SLC47A2: variants seen among roughly 807,000 people sequenced by gnomAD.
SLC47A2 encodes solute carrier family 47 member 2, also known as multidrug and toxin extrusion protein 2.
A neutral mutation model predicts 67.7 loss-of-function variants in SLC47A2; 52 were observed. That is an observed-to-expected ratio of 0.77 (90% confidence interval 0.61 to 0.97). The LOEUF (loss-of-function observed/expected upper bound fraction) is 0.97. SLC47A2 is among the 50% of genes least tolerant of loss of function. The pLI, the probability that SLC47A2 is intolerant of heterozygous loss-of-function variation, is 0.00. For missense variants in SLC47A2, 676 were observed against 712.3 expected, an observed-to-expected ratio of 0.95 and a Z score of 0.58; for synonymous variants, 278 against 292.9, an observed-to-expected ratio of 0.95 and a Z score of 0.52.
chr17:19,705,079 C>T (rs1440861479), intron 10 of SLC47A2: 2 of 347,840 alleles, frequency 5.7e-6, no homozygotes, highest in East Asian at 1.2e-4. Context: ...CCCTCAGCCT[C>T]CCAAAGTACT....
At chr17:19,684,831 C>G (rs1293825022) in intron 13 of SLC47A2, among the ~76,000 whole-genome samples, 2 of 152,296 alleles carry the variant, frequency 1.3e-5, no homozygotes, top group African/African-American at 4.8e-5. Context: ...CTCCCTCTCC[C>G]TCCCGCTCTT....
intron 13 of SLC47A2, among the ~76,000 whole-genome samples, chr17:19,693,583 G>A (rs1457947990): frequency 6.6e-6 from 1 of 150,932 alleles, no homozygotes; most frequent in Non-Finnish European, 1.5e-5. Flanking sequence ...GACCACCCTG[G>A]CCAATGGTGA....
At chr17:19,679,122 G>A (rs868806490) in intron 16 of SLC47A2, among the ~76,000 whole-genome samples, 14 of 152,216 alleles carry the variant, frequency 9.2e-5, no homozygotes, top group African/African-American at 1.9e-4. Context: ...TGAATTTCAC[G>A]TGCAGATAAT....
In SLC47A2 at chr17:19,716,523, G is replaced by A. The variant is rs1311055496; in HGVS notation, c.33C>T (p.Asp11=). The change falls in exon 1 of 17, where the codon GAC becomes GAT. Residue 11 remains aspartate (D), a synonymous_variant. Transcript: ENST00000433844. MDSLQDTVAL[D]HGGCCPALSR... ...TGAGGGCAGGGCAGCAGCCCCCATG[G>A]TCCAGGGCCACTGTGTCCTGGAGGC... is the stretch of plus-strand genomic sequence containing the variant. 6.2e-7 allele frequency: 1 copy of A among 1,611,496 alleles called. No homozygotes were observed. The highest frequency in any genetic ancestry group is 1.7e-5 in the Admixed American group (1 of 59,784).
chr17:19,712,563 G>A (rs1015012322), intron 5 of SLC47A2, 140 bp downstream of exon 5: 147 of 779,070 alleles, frequency 1.9e-4, no homozygotes, highest in Non-Finnish European at 3.0e-4. Context: ...CAACTGCAAC[G>A]GGAACTTTTG....
chr17:19,678,678 C>A lies in SLC47A2; in HGVS notation c.*8G>T, dbSNP rs2085241782. ...CCACTCCTGGCTTTCTATTTCCAAG[C>A]TTCTTTGCTAGTGCCTGGTGGCTAG... On this transcript the variant is annotated 3_prime_UTR_variant, in exon 17 of 17. Transcript: ENST00000433844. 2 of 1,611,228 alleles carry A rather than the reference C, an allele frequency of 1.2e-6. No homozygotes were observed. Among genetic ancestry groups the A allele is most frequent in the Non-Finnish European group, 1.7e-6 (2 of 1,179,036 alleles).
chr17:19,693,635 T>TAATAAC (rs754201695), intron 13 of SLC47A2, among the ~76,000 whole-genome samples: 17 of 138,380 alleles, frequency 1.2e-4, no homozygotes, highest in Non-Finnish European at 2.1e-4. Context: ...ATAATAATAA[T>TAATAAC]AAATAAATAA....
At chr17:19,681,280 C>T (rs1250727718) in intron 15 of SLC47A2, 87 bp downstream of exon 15, 1 of 1,103,440 alleles carries the variant, frequency 9.1e-7, no homozygotes, top group Non-Finnish European at 1.3e-6. Context: ...TTCTGATGTG[C>T]TCTGGGCATT....
chr17:19,711,314 A>G (rs898825535), intron 5 of SLC47A2, among the ~76,000 whole-genome samples: 29 of 151,602 alleles, frequency 1.9e-4, no homozygotes, highest in Non-Finnish European at 3.5e-4. Context: ...AATGCAGGCC[A>G]GGCGTGGTGG....
intron 13 of SLC47A2, among the ~76,000 whole-genome samples, chr17:19,690,683 A>G (rs1399473596): frequency 2.0e-5 from 3 of 152,228 alleles, no homozygotes; most frequent in African/African-American, 4.8e-5. Flanking sequence ...AATGGCAAAC[A>G]TATATGAAAA....
chr17:19,706,777 C>A lies in SLC47A2; in HGVS notation c.728-16G>T. ...CTGGACCAACCTGGAAACAGAGGCC[C>A]CATGAGCTGACAGCCTGCCCTGCTT... On this transcript the variant is annotated splice_polypyrimidine_tract_variant and intron_variant, in intron 8 of 16. Transcript: ENST00000433844. 6.3e-7 allele frequency: 1 copy of A among 1,593,686 alleles called. No individual in the cohort carries two copies.
chr17:19,711,893 G>A (rs2086111427), intron 5 of SLC47A2, among the ~76,000 whole-genome samples: 1 of 152,000 alleles, frequency 6.6e-6, no homozygotes, highest in African/African-American at 2.4e-5. Context: ...TATAAATAGA[G>A]ATTGGTTAAT....
In SLC47A2 at chr17:19,681,428, A is replaced by G. The variant is rs772030538; in HGVS notation, c.1331T>C (p.Leu444Pro). Residue 444 changes from leucine (L) to proline (P), a missense_variant, in exon 15 of 17, where the codon CTG becomes CCG. Transcript: ENST00000433844. ...LWLGMLACVF[L>P]ATAAFVAYTA... ...ATAAGCAACAAAGGCAGCAGTTGCCAGGAAGACACAGGCCAGCATGCCCAG... is the reference window on the plus strand; with the variant it reads ...ATAAGCAACAAAGGCAGCAGTTGCCGGGAAGACACAGGCCAGCATGCCCAG... 3.1e-6 allele frequency: 5 copies of G among 1,613,820 alleles called. No homozygotes were observed. The East Asian group carries it at 8.9e-5, about 29-fold the overall frequency.
intron 13 of SLC47A2, among the ~76,000 whole-genome samples, chr17:19,686,803 G>A (rs1329764217): frequency 6.6e-6 from 1 of 152,114 alleles, no homozygotes; most frequent in African/African-American, 2.4e-5. Context: ...TAAAGCAGAT[G>A]TTATTAGAAC....
chr17:19,687,405 A>C (rs1295081620), intron 13 of SLC47A2, among the ~76,000 whole-genome samples: 1 of 152,102 alleles, frequency 6.6e-6, no homozygotes, highest in Non-Finnish European at 1.5e-5. Context: ...ACCAAACCCA[A>C]AATTAGTAGT....
At chr17:19,690,895 G>A (rs964268751) in intron 13 of SLC47A2, among the ~76,000 whole-genome samples, 8 of 152,030 alleles carry the variant, frequency 5.3e-5, no homozygotes, top group South Asian at 2.1e-4. Flanking sequence ...CGAGGTGGGC[G>A]GATCACCTGA....
intron 13 of SLC47A2, among the ~76,000 whole-genome samples, chr17:19,687,667 A>G (rs2085457016): frequency 6.6e-6 from 1 of 152,150 alleles, no homozygotes; most frequent in African/African-American, 2.4e-5. Flanking sequence ...AAGGAGACAT[A>G]ACTAATACCA....
At position 19,685,740 on chromosome 17, in the gene SLC47A2, T is replaced by G. The variant is rs2085414524; in HGVS notation, c.1165-4070A>C. 1.3e-5 allele frequency among the ~76,000 whole-genome samples: 2 copies of G among 152,132 alleles called. No homozygotes were observed. Among genetic ancestry groups the G allele is most frequent in the Non-Finnish European group, 2.9e-5 (2 of 68,022 alleles). On this transcript the variant is annotated intron_variant, in intron 13 of 16. Transcript: ENST00000433844. This position sits in a 1 kb window ranked among gnomAD's most constrained non-coding sequence, Gnocchi z 4.5. ...GTTTATCTGCTGGCCTTCTCTCCAC[T>G]ATTATCCTATGACCCTGCCACATCC... is the stretch of plus-strand genomic sequence containing the variant.
chr17:19,689,466 G>C (rs1325618015), intron 13 of SLC47A2, among the ~76,000 whole-genome samples: 1 of 152,168 alleles, frequency 6.6e-6, no homozygotes, highest in Non-Finnish European at 1.5e-5. Flanking sequence ...GGAGTCCAAG[G>C]TGAGTGGGTC....
Sources: gnomAD v4.1 joint callset for allele counts (sites outside exome capture counted in the v4.1 genomes callset) on GRCh38, gnomAD v4.1.1 for gene constraint, Gnocchi (gnomAD v3.1) non-coding constraint, MANE v1.5 for transcripts, NCBI Gene and HGNC (gene_info 2026-07-23, HGNC 2026-07-21) for gene names.